DGKB: variants seen among roughly 807,000 people sequenced by gnomAD.
The protein encoded by DGKB is diacylglycerol kinase beta, also known as 90 kDa diacylglycerol kinase.
Under a neutral mutation model 114.3 loss-of-function variants are expected in DGKB, and 67 were observed. That is an observed-to-expected ratio of 0.59 (90% confidence interval 0.48 to 0.72). The LOEUF is 0.72. Ranked by LOEUF, DGKB falls within the 30% of genes least tolerant of loss-of-function variation. DGKB has a pLI of 0.00. For synonymous variants in DGKB, 398 were observed against 323.1 expected (o/e 1.23, Z -2.49); for missense variants, 907 against 975.2 (o/e 0.93, Z 0.93).
chr7:14,826,468 C>G (rs1019097975), intron 2 of DGKB, among the ~76,000 whole-genome samples: 1 of 152,108 alleles, frequency 6.6e-6, no homozygotes, highest in African/African-American at 2.4e-5. Context: ...GCTTCCTGGT[C>G]CCTATATTCA....
At chr7:14,149,862 T>C (rs544969519) in intron 25 of DGKB, among the ~76,000 whole-genome samples, 156 of 152,308 alleles carry the variant, frequency 1.0e-3, no homozygotes, top group African/African-American at 3.7e-3. Context: ...TTGAAAAGCC[T>C]GCTTAAAACA....
intron 2 of DGKB, among the ~76,000 whole-genome samples, chr7:14,795,356 G>A (rs563854563): frequency 3.9e-5 from 6 of 152,268 alleles, no homozygotes; most frequent in South Asian, 2.1e-4. Flanking sequence ...AAGGTAGTCC[G>A]GCATGAGAAA....
At chr7:14,528,060 A>T (rs577182330) in intron 20 of DGKB, among the ~76,000 whole-genome samples, 1 of 152,248 alleles carries the variant, frequency 6.6e-6, no homozygotes, top group Admixed American at 6.5e-5. Flanking sequence ...AGAGAAAAAT[A>T]ACTTGCTGAA....
At chr7:14,314,372 T>C in intron 23 of DGKB, among the ~76,000 whole-genome samples, 1 of 150,780 alleles carries the variant, frequency 6.6e-6, no homozygotes, top group South Asian at 2.1e-4. Flanking sequence ...GCAAAGAAGT[T>C]GAAAACTTTG....
intron 2 of DGKB, among the ~76,000 whole-genome samples, chr7:14,763,105 A>G (rs1353715849): frequency 2.0e-5 from 3 of 152,036 alleles, no homozygotes; most frequent in East Asian, 1.9e-4. Context: ...CATTCATCCA[A>G]TTGTGAAGGC....
At chr7:14,291,753 G>T (rs1306805275) in intron 23 of DGKB, among the ~76,000 whole-genome samples, 2 of 152,136 alleles carry the variant, frequency 1.3e-5, no homozygotes, top group Non-Finnish European at 2.9e-5. Context: ...GCATCCAACA[G>T]AATTATTCAA....
chr7:14,797,386 T>TATCCTG (rs1841547789), intron 2 of DGKB, among the ~76,000 whole-genome samples: 1 of 152,186 alleles, frequency 6.6e-6, no homozygotes, highest in African/African-American at 2.4e-5. Context: ...TCAGGATAAT[T>TATCCTG]ATACTCAAGG....
intron 1 of DGKB, among the ~76,000 whole-genome samples, chr7:14,921,371 A>AT (rs1784502440): frequency 6.6e-6 from 1 of 152,138 alleles, no homozygotes. Flanking sequence ...TACTTGCTTA[A>AT]TTTTTCTGCA....
chr7:14,574,927 G>C lies in DGKB; in HGVS notation c.1610-555C>G, dbSNP rs183256872. On this transcript the variant is annotated intron_variant, in intron 19 of 25. Coordinates refer to ENST00000402815, the MANE Select transcript of DGKB (RefSeq NM_001350709.2). ...TACTCAGGGTGTCCCTTTTCTTTTT[G>C]GCTGGTTTGCATCTATTTCTTTGGC... Among the ~76,000 whole-genome samples, 191 of 151,794 alleles carry C rather than the reference G, an allele frequency of 1.3e-3. 2 individuals carry two copies. Among genetic ancestry groups the C allele is most frequent in the African/African-American group, 4.5e-3 (186 of 41,412 alleles).
chr7:14,812,811 C>T (rs896751920), intron 2 of DGKB, among the ~76,000 whole-genome samples: 15 of 152,130 alleles, frequency 9.9e-5, no homozygotes, highest in Admixed American at 2.0e-4. Context: ...AACTAAAATA[C>T]CATGTGTGCT....
intron 20 of DGKB, among the ~76,000 whole-genome samples, chr7:14,534,094 T>C (rs937641825): frequency 6.6e-6 from 1 of 152,028 alleles, no homozygotes; most frequent in Non-Finnish European, 1.5e-5. Flanking sequence ...CTTATAACTA[T>C]CACCACAAAT....
At chr7:14,173,729 A>G (rs993962073) in intron 25 of DGKB, among the ~76,000 whole-genome samples, 1 of 152,208 alleles carries the variant, frequency 6.6e-6, no homozygotes, top group Non-Finnish European at 1.5e-5. Context: ...CTTCAATTAC[A>G]GTGAAATTTA....
At chr7:14,901,813 G>T (rs950159352) in intron 1 of DGKB, among the ~76,000 whole-genome samples, 1 of 152,120 alleles carries the variant, frequency 6.6e-6, no homozygotes. Context: ...AAAAGAGTTG[G>T]TTATCTGCAA....
intron 23 of DGKB, among the ~76,000 whole-genome samples, chr7:14,194,003 C>T (rs1414432808): frequency 6.6e-6 from 1 of 152,104 alleles, no homozygotes; most frequent in African/African-American, 2.4e-5. Context: ...CGAGATGTTA[C>T]TTCATTCCAA....
chr7:14,326,407 C>G (rs1413945455), intron 23 of DGKB, among the ~76,000 whole-genome samples: 1 of 151,984 alleles, frequency 6.6e-6, no homozygotes, highest in Non-Finnish European at 1.5e-5. Flanking sequence ...GTCTTCCCAC[C>G]CAAGCTACTG....
intron 1 of DGKB, among the ~76,000 whole-genome samples, chr7:14,876,600 G>A (rs1317443674): frequency 1.3e-5 from 2 of 152,148 alleles, no homozygotes; most frequent in African/African-American, 2.4e-5. Flanking sequence ...TTTACTATGA[G>A]TTCTATGGTG....
intron 1 of DGKB, among the ~76,000 whole-genome samples, chr7:14,883,157 G>T (rs1854495164): frequency 6.6e-6 from 1 of 151,778 alleles, no homozygotes; most frequent in African/African-American, 2.4e-5. Flanking sequence ...ATATTTTCTG[G>T]GATATATTTT....
chr7:14,924,124 T>A (rs1784640904), intron 1 of DGKB, among the ~76,000 whole-genome samples: 2 of 152,086 alleles, frequency 1.3e-5, no homozygotes, highest in Non-Finnish European at 2.9e-5. Context: ...TTCTAACTGT[T>A]TAGTTTCTTG....
At chr7:14,799,803 A>G (rs900378344) in intron 2 of DGKB, among the ~76,000 whole-genome samples, 1 of 152,244 alleles carries the variant, frequency 6.6e-6, no homozygotes. Context: ...CAATTGGGCC[A>G]TATGAACCAG....
Sources: allele counts gnomAD v4.1 joint callset (sites outside exome capture counted in the v4.1 genomes callset), GRCh38; gene constraint gnomAD v4.1.1; transcripts MANE v1.5; gene names NCBI Gene and HGNC (gene_info 2026-07-23, HGNC 2026-07-21).